SORT1: variants seen among roughly 807,000 people sequenced by gnomAD.
The protein encoded by SORT1 is sortilin.
In SORT1, 39 loss-of-function variants were observed where a neutral mutation model predicts 101.7. The observed-to-expected ratio is 0.38, with a 90% CI of 0.30 to 0.50. The LOEUF (loss-of-function observed/expected upper bound fraction) is 0.50, where lower values mean the gene tolerates loss of function less well. Ranked by LOEUF, SORT1 falls within the 20% of genes least tolerant of loss-of-function variation. The pLI is 0.90. For missense variants in SORT1, 878 were observed against 1,040.4 expected (o/e 0.84, Z 2.15); for synonymous variants, 396 against 393.7 (o/e 1.01, Z -0.07).
At chr1:109,380,554 T>G (rs1652155835) in intron 1 of SORT1, among the ~76,000 whole-genome samples, 1 of 151,942 alleles carries the variant, frequency 6.6e-6, no homozygotes, top group African/African-American at 2.4e-5. Flanking sequence ...AGAAAGGGTT[T>G]TCAAATCAGT....
chr1:109,394,997 A>G (rs1653111070), intron 1 of SORT1, among the ~76,000 whole-genome samples: 2 of 152,238 alleles, frequency 1.3e-5, no homozygotes, highest in South Asian at 4.2e-4. Flanking sequence ...GATCTCTTCA[A>G]TACAGTTCAG....
intron 1 of SORT1, among the ~76,000 whole-genome samples, chr1:109,396,083 CA>C (rs1003206647): frequency 9.6e-5 from 14 of 145,770 alleles, no homozygotes; most frequent in East Asian, 7.9e-4. Flanking sequence ...GACCCTATCT[CA>C]AAAAAAAAAT....
At chr1:109,340,559 T>C (rs915243081) in intron 10 of SORT1, among the ~76,000 whole-genome samples, 165 bp downstream of exon 10, 12 of 151,832 alleles carry the variant, frequency 7.9e-5, no homozygotes, top group Admixed American at 7.9e-4. Flanking sequence ...GCAAATTTTG[T>C]TAGACATATT....
chr1:109,345,862 C>A lies in SORT1; in HGVS notation c.852G>T (p.Leu284=). The A allele has an allele frequency of 6.2e-7, 1 of 1,613,302 alleles. No homozygotes were observed. The highest frequency in any genetic ancestry group is 8.5e-7 in the Non-Finnish European group (1 of 1,179,470). The change falls in exon 8 of 20, where the codon CTG becomes CTT. Residue 284 remains leucine (L), a synonymous_variant. Coordinates refer to ENST00000256637, the MANE Select transcript of SORT1 (RefSeq NM_002959.7). ...CCAAGTCTGAAGTTCTCCATAATTC[C>A]AGAGCCCCAAGGTCAGCTTCTTAAA... ...NGSCKADLGA[L]ELWRTSDLGK...
chr1:109,395,954 T>C (rs1048668163), intron 1 of SORT1, among the ~76,000 whole-genome samples: 1 of 151,880 alleles, frequency 6.6e-6, no homozygotes, highest in Non-Finnish European at 1.5e-5. Context: ...GCTGGGTGCA[T>C]GTACCAGTAG....
rs573833176 is a variant in SORT1 at position 109,323,240 on chromosome 1, T to C, written c.1835-119A>G. 2.2e-5 allele frequency: 15 copies of C among 672,598 alleles called. No homozygotes were observed. In the East Asian group the frequency reaches 3.8e-4, roughly 17 times the overall value. The allele number at this position is 672,598 out of a possible 1,614,324, so 41.7% of individuals were successfully genotyped here. On this transcript the variant is annotated intron_variant, in intron 14 of 19. Coordinates refer to ENST00000256637, the MANE Select transcript of SORT1 (RefSeq NM_002959.7). ...AAGTGGGAATGTCTGACTCAACCTA[T>C]TCCTTCATTTTGGAATTGCAAACAA...
At chr1:109,386,054 TTATTA>T (rs1390623512) in intron 1 of SORT1, among the ~76,000 whole-genome samples, 6 of 152,298 alleles carry the variant, frequency 3.9e-5, no homozygotes, top group African/African-American at 1.4e-4. Context: ...TACTAAGCAC[TTATTA>T]TATTAGTATT....
intron 16 of SORT1, among the ~76,000 whole-genome samples, chr1:109,317,522 T>C (rs3853498): frequency 0.65 from 98,411 of 152,048 alleles, 33,713 homozygotes; most frequent in East Asian, 0.96. Context: ...TCATGGCGGA[T>C]GGGACGCTTC....
Position 109,345,787 on chromosome 1 carries a change from C to T in SORT1, c.927G>A (p.Gly309=). 1 of 1,613,882 alleles carries T rather than the reference C, an allele frequency of 6.2e-7. No individual in the cohort carries two copies. The highest frequency in any genetic ancestry group is 8.5e-7 in the Non-Finnish European group (1 of 1,179,870). Residue 309 remains glycine (G), a synonymous_variant, in exon 8 of 20, where the codon GGG becomes GGA. Coordinates refer to ENST00000256637, the MANE Select transcript of SORT1 (RefSeq NM_002959.7). ...TCACAGAGGCAAAAAGGAAACGTCC[C>T]CCAAGACCAAATGAGTAGATTTTCA... ...IGVKIYSFGL[G]GRFLFASVMA...
At chr1:109,383,045 T>C in intron 1 of SORT1, among the ~76,000 whole-genome samples, 1 of 152,164 alleles carries the variant, frequency 6.6e-6, no homozygotes, top group East Asian at 1.9e-4. Flanking sequence ...TACTATAAGC[T>C]TGGAAAATTT....
intron 10 of SORT1, among the ~76,000 whole-genome samples, chr1:109,339,552 T>A (rs1649070288): frequency 6.6e-6 from 1 of 152,242 alleles, no homozygotes; most frequent in African/African-American, 2.4e-5. Flanking sequence ...AGATAGTATT[T>A]CACTCCCATT....
chr1:109,325,897 T>C (rs1198899314), intron 13 of SORT1, among the ~76,000 whole-genome samples: 1 of 151,936 alleles, frequency 6.6e-6, no homozygotes, highest in East Asian at 1.9e-4. Context: ...GCTGCTCAGG[T>C]GACTGAGACG....
intron 11 of SORT1, among the ~76,000 whole-genome samples, chr1:109,332,516 C>T (rs1648531002): frequency 6.6e-6 from 1 of 152,068 alleles, no homozygotes; most frequent in African/African-American, 2.4e-5. Flanking sequence ...GCTGCAGTGA[C>T]CTATGATTAT....
chr1:109,393,401 G>A (rs1653025148), intron 1 of SORT1: 2 of 676,052 alleles, frequency 3.0e-6, no homozygotes, highest in African/African-American at 3.9e-5. Flanking sequence ...ACACAGGAAT[G>A]AGAAGTAAGG....
At chr1:109,386,979 TATTAA>T (rs1010484502) in intron 1 of SORT1, among the ~76,000 whole-genome samples, 23 of 152,318 alleles carry the variant, frequency 1.5e-4, no homozygotes, top group African/African-American at 5.3e-4. Context: ...GAAAAATTGT[TATTAA>T]ATTATAGTCT....
rs949726321 is a variant in SORT1 at position 109,313,877 on chromosome 1, C to T, written c.*166G>A. ...AAAAAGTGCTCAGGGTTCCCCACCC[C>T]CACCCTGCATTTCTTTAGTGTAGGT... On this transcript the variant is annotated 3_prime_UTR_variant, in exon 20 of 20. Coordinates refer to ENST00000256637, the MANE Select transcript of SORT1 (RefSeq NM_002959.7). 8.5e-5 allele frequency: 47 copies of T among 552,644 alleles called. 1 individual carries two copies. The highest frequency in any genetic ancestry group is 1.1e-4 in the Non-Finnish European group (33 of 312,690). The allele number at this position is 552,644 out of a possible 1,614,324, so 34.2% of individuals were successfully genotyped here. A position where few individuals can be genotyped will look rare whatever the true frequency, so the allele number is the denominator to read the frequency against.
At position 109,354,542 on chromosome 1, in the gene SORT1, G is replaced by A. The variant is rs976503386; in HGVS notation, c.544-11C>T. The A allele has an allele frequency of 1.9e-6, 3 of 1,607,878 alleles. No individual in the cohort carries two copies. Among genetic ancestry groups the A allele is most frequent in the Non-Finnish European group, 2.6e-6 (3 of 1,175,336 alleles). On this transcript the variant is annotated splice_polypyrimidine_tract_variant and intron_variant, in intron 4 of 19. Transcript: ENST00000256637. ...TGCTGTTAACACCACCTGATAGGAA[G>A]AGGAAAGATCTGATTCAGGGTATGA...
chr1:109,392,703 C>T (rs3768495), intron 1 of SORT1: 690,727 of 983,316 alleles, frequency 0.7, 246,052 homozygotes, highest in East Asian at 0.96. Flanking sequence ...ATAAATTACA[C>T]TTCATCAAAT....
At chr1:109,372,265 T>A (rs961058413) in intron 1 of SORT1, among the ~76,000 whole-genome samples, 1 of 152,168 alleles carries the variant, frequency 6.6e-6, no homozygotes, top group Non-Finnish European at 1.5e-5. Context: ...TCAAAATATG[T>A]ATTACAGCAC....
Sources: allele counts gnomAD v4.1 joint callset (sites outside exome capture counted in the v4.1 genomes callset), GRCh38; gene constraint gnomAD v4.1.1; transcripts MANE v1.5; gene names NCBI Gene and HGNC (gene_info 2026-07-23, HGNC 2026-07-21).